HKDC1: variants seen among roughly 807,000 people sequenced by gnomAD.
HKDC1 encodes hexokinase HKDC1.
Under a neutral mutation model 96.6 loss-of-function variants are expected in HKDC1, and 66 were observed. The observed-to-expected ratio is 0.68, with a 90% CI of 0.56 to 0.84. The LOEUF is 0.84. Ranked by LOEUF, HKDC1 falls within the 40% of genes least tolerant of loss-of-function variation. The pLI, the probability that HKDC1 is intolerant of heterozygous loss-of-function variation, is 0.00. For missense variants in HKDC1, 1,211 were observed against 1,208.1 expected, an observed-to-expected ratio of 1.00 and a Z score of -0.04; for synonymous variants, 466 against 473.1, an observed-to-expected ratio of 0.98 and a Z score of 0.20.
chr10:69,248,632 C>G lies in HKDC1; in HGVS notation c.1474C>G (p.Arg492Gly). 6.2e-7 allele frequency: 1 copy of G among 1,614,068 alleles called. No homozygotes were observed. The highest frequency in any genetic ancestry group is 8.5e-7 in the Non-Finnish European group (1 of 1,180,002). The change falls in exon 10 of 18, where the codon CGG becomes GGG. Residue 492 changes from arginine to glycine, a missense_variant. Arg to Gly is a moderately radical substitution (Grantham distance 125, BLOSUM62 -2). Coordinates refer to ENST00000354624, the MANE Select transcript of HKDC1 (RefSeq NM_025130.4). ...GCTCGTGGACGTGCAGGCCAAGATG[C>G]GGGCTGAGCTGGAGTATGGGCTGAA... ...EQLVDVQAKM[R>G]AELEYGLKKK...
At chr10:69,264,388 T>C (rs563026484) in intron 16 of HKDC1, among the ~76,000 whole-genome samples, 42 of 152,138 alleles carry the variant, frequency 2.8e-4, no homozygotes, top group South Asian at 6.2e-4. Flanking sequence ...TTTTTTTTTT[T>C]TTTGAGACAA....
Position 69,220,381 on chromosome 10 carries a change from G to T in HKDC1, c.-55G>T, listed in dbSNP as rs935787389. On this transcript the variant is annotated 5_prime_UTR_variant, in exon 1 of 18. Transcript: ENST00000354624. Reference sequence around the variant, plus strand: ...CGTGCAACACTCCAGAGTCGTAGGAGTGAACACTGCACAGGAATCTCTGCC... The same window carrying T: ...CGTGCAACACTCCAGAGTCGTAGGATTGAACACTGCACAGGAATCTCTGCC... 17 of 1,420,726 alleles carry T rather than the reference G, an allele frequency of 1.2e-5. No homozygotes were observed. The highest frequency in any genetic ancestry group is 1.6e-5 in the Non-Finnish European group (17 of 1,036,796). 88.0% of individuals were successfully genotyped at this position (1,420,726 alleles called of 1,614,324 possible).
Position 69,250,389 on chromosome 10 carries a change from A to G in HKDC1, c.1670A>G (p.Lys557Arg). ...CGGAGGTCAGTGCGAATGTACAACA[A>G]GATCTTCGCCATCCCCCTGGAGATC... ...SGRRSVRMYNKIFAIPLEIMQ... is the reference protein window; with the variant it reads ...SGRRSVRMYNRIFAIPLEIMQ... The change falls in exon 11 of 18, where the codon AAG (lysine) becomes AGG (arginine). Residue 557 changes from lysine to arginine, a missense_variant. Transcript: ENST00000354624. 1.2e-6 allele frequency: 2 copies of G among 1,614,110 alleles called. No individual in the cohort carries two copies. Among genetic ancestry groups the G allele is most frequent in the Non-Finnish European group, 1.7e-6 (2 of 1,179,954 alleles).
rs141023753 is a variant in HKDC1 at position 69,228,638 on chromosome 10, G to T, written c.226+1269G>T. 1.9e-4 allele frequency among the ~76,000 whole-genome samples: 29 copies of T among 152,264 alleles called. No individual in the cohort carries two copies. In the East Asian group the frequency reaches 5.4e-3, roughly 28 times the overall value. On this transcript the variant is annotated intron_variant, in intron 2 of 17. Coordinates refer to ENST00000354624, the MANE Select transcript of HKDC1 (RefSeq NM_025130.4). ...CCCAGAACTTTGGGAGGCCGAGGGG[G>T]GCAGATCACTTGAGGTCAGATGCTC...
chr10:69,249,357 C>T (rs181314531), intron 10 of HKDC1, among the ~76,000 whole-genome samples: 3 of 152,204 alleles, frequency 2.0e-5, no homozygotes, highest in Admixed American at 1.3e-4. Flanking sequence ...CCACTTGGAA[C>T]GTTACCAAAG....
chr10:69,239,220 G>A, intron 5 of HKDC1, 83 bp downstream of exon 5: 1 of 963,550 alleles, frequency 1.0e-6, no homozygotes, highest in Non-Finnish European at 1.6e-6. Flanking sequence ...GTGAGGTGAG[G>A]GGGTCACATA....
intron 10 of HKDC1, among the ~76,000 whole-genome samples, chr10:69,249,814 A>G (rs1349578551): frequency 6.6e-6 from 1 of 152,166 alleles, no homozygotes; most frequent in Non-Finnish European, 1.5e-5. Flanking sequence ...CCCCTTGAGT[A>G]TAAGAATCAT....
At chr10:69,234,431 T>C (rs578198687) in intron 4 of HKDC1, among the ~76,000 whole-genome samples, 2 of 152,392 alleles carry the variant, frequency 1.3e-5, no homozygotes, top group Admixed American at 6.5e-5. Context: ...TTTATTTTTT[T>C]CTTTGTAGAG....
chr10:69,233,156 A>T (rs5030970), intron 4 of HKDC1, 23 bp downstream of exon 4: 696,833 of 1,612,410 alleles, frequency 0.43, 155,353 homozygotes, highest in East Asian at 0.79. Context: ...GGGAAGCAGC[A>T]GTGCAGGAAT....
In HKDC1 at chr10:69,237,187, AC is replaced by A. The variant is rs139045357; in HGVS notation, c.496-1854del. ...TCTTATTATGTTTAACCCATAGCCA[AC>A]ATCATGAGCATAAGAATTAAAGGAA... is the stretch of plus-strand genomic sequence containing the variant. On this transcript the variant is annotated intron_variant, in intron 4 of 17. Transcript: ENST00000354624. 4.7e-3 allele frequency among the ~76,000 whole-genome samples: 721 copies of A among 152,268 alleles called. 31 individuals carry two copies. The East Asian group carries it at 0.11, about 22-fold the overall frequency.
intron 7 of HKDC1, among the ~76,000 whole-genome samples, chr10:69,245,570 C>CAATAAT (rs10646729): frequency 0.17 from 23,925 of 139,118 alleles, 2,324 homozygotes; most frequent in Middle Eastern, 0.23. Flanking sequence ...ATCCTGTCTC[C>CAATAAT]AATAATAATA....
At position 69,233,076 on chromosome 10, in the gene HKDC1, G is replaced by A; in HGVS notation, c.438G>A (p.Lys146=). Residue 146 remains lysine (K), a synonymous_variant, in exon 4 of 18, where the codon AAG becomes AAA. Coordinates refer to ENST00000354624, the MANE Select transcript of HKDC1 (RefSeq NM_025130.4). ...DFMKTKDLKH[K]KLPLGLTFSF... is the part of the protein sequence containing the mutation. The stretch of plus-strand genomic sequence containing the variant: ...TGAAGACCAAAGATTTAAAGCATAA[G>A]AAATTGCCCCTTGGCCTAACTTTTT... 1.9e-6 allele frequency: 3 copies of A among 1,614,178 alleles called. No homozygotes were observed. The highest frequency in any genetic ancestry group is 2.5e-6 in the Non-Finnish European group (3 of 1,180,050).
rs142379141 is a variant in HKDC1 at position 69,227,316 on chromosome 10, C to T, written c.173C>T (p.Thr58Met). ...EKGLAKDTNPTAAVKMLPTFV... is the reference protein window; with the variant it reads ...EKGLAKDTNPMAAVKMLPTFV... ...GGCCTGGCAAAGGACACCAACCCCA[C>T]GGCTGCAGTGAAGATGTTGCCCACC... Residue 58 changes from threonine (T) to methionine (M), a missense_variant, in exon 2 of 18, where the codon ACG becomes ATG. Coordinates refer to ENST00000354624, the MANE Select transcript of HKDC1 (RefSeq NM_025130.4). 1.4e-4 allele frequency: 231 copies of T among 1,614,066 alleles called. No homozygotes were observed. The highest frequency in any genetic ancestry group is 1.1e-3 in the East Asian group (51 of 44,898).
At position 69,266,709 on chromosome 10, in the gene HKDC1, G is replaced by A. The variant is rs376033094; in HGVS notation, c.2706G>A (p.Leu902=). The A allele has an allele frequency of 4.3e-6, 7 of 1,614,040 alleles. No individual in the cohort carries two copies. The African/African-American group carries it at 9.3e-5, about 22-fold the overall frequency. The change falls in exon 18 of 18, where the codon CTG becomes CTA. Residue 902 remains leucine (L), a synonymous_variant. Transcript: ENST00000354624. ...SEDGSGKGAA[L]ITAVAKRLQQ... Reference sequence around the variant, plus strand: ...ATGGCAGTGGAAAAGGGGCAGCACTGATCACTGCTGTGGCCAAGAGGTTAC... The same window carrying A: ...ATGGCAGTGGAAAAGGGGCAGCACTAATCACTGCTGTGGCCAAGAGGTTAC...
chr10:69,236,811 G>GA (rs1843369459), intron 4 of HKDC1, among the ~76,000 whole-genome samples: 1 of 151,864 alleles, frequency 6.6e-6, no homozygotes, highest in Admixed American at 6.6e-5. Flanking sequence ...TCAAGGAAGG[G>GA]AAAAATGCTT....
chr10:69,252,988 G>GTT, intron 12 of HKDC1, among the ~76,000 whole-genome samples: 1 of 151,498 alleles, frequency 6.6e-6, no homozygotes, highest in South Asian at 2.1e-4. Context: ...GTGTGTGTGT[G>GTT]TGTGTGTGTG....
intron 9 of HKDC1, 81 bp from the exon 10 acceptor site, chr10:69,248,343 T>C: frequency 2.1e-6 from 3 of 1,422,640 alleles, no homozygotes; most frequent in Non-Finnish European, 2.8e-6. Context: ...CCTCCGGGAC[T>C]GGGTTTACTG....
intron 6 of HKDC1, among the ~76,000 whole-genome samples, chr10:69,241,242 G>T (rs1843452756): frequency 6.6e-6 from 1 of 152,118 alleles, no homozygotes; most frequent in Non-Finnish European, 1.5e-5. Flanking sequence ...ACACCTACAG[G>T]CTTGGAGATG....
chr10:69,257,291 A>G (rs1843733499), intron 13 of HKDC1, 36 bp from the exon 14 acceptor site: 1 of 1,582,334 alleles, frequency 6.3e-7, no homozygotes, highest in Non-Finnish European at 8.7e-7. Flanking sequence ...ACTCATAGTA[A>G]AGCTGGGTTT....
Sources: gnomAD v4.1 joint callset for allele counts (sites outside exome capture counted in the v4.1 genomes callset) on GRCh38, gnomAD v4.1.1 for gene constraint, MANE v1.5 for transcripts, NCBI Gene and HGNC (gene_info 2026-07-23, HGNC 2026-07-21) for gene names.